The following DACH2 variants were observed in gnomAD, a reference collection of about 807,000 sequenced individuals.
DACH2 encodes dachshund homolog 2.
In DACH2, 17 loss-of-function variants were observed where a neutral mutation model predicts 35.8. The ratio of observed to expected loss-of-function variants is 0.48; its 90% CI spans 0.33 to 0.71. The LOEUF (loss-of-function observed/expected upper bound fraction) is 0.71. Ranked by LOEUF, DACH2 falls within the 30% of genes least tolerant of loss-of-function variation. The pLI, the probability that DACH2 is intolerant of heterozygous loss-of-function variation, is 0.02. For synonymous variants in DACH2, 195 were observed against 177.3 expected, an observed-to-expected ratio of 1.10 and a Z score of -0.79; for missense variants, 469 against 472.7, an observed-to-expected ratio of 0.99 and a Z score of 0.07.
At chrX:86,370,756 T>C (rs1296772466) in intron 1 of DACH2, among the ~76,000 whole-genome samples, 2 of 112,032 alleles carry the variant, frequency 1.8e-5, no homozygotes, top group Non-Finnish European at 3.8e-5. Context: ...GCAAATTAGC[T>C]AATAATCAGT....
At chrX:86,316,021 C>A (rs1393608829) in intron 1 of DACH2, among the ~76,000 whole-genome samples, 1 of 110,971 alleles carries the variant, frequency 9.0e-6, no homozygotes, top group Non-Finnish European at 1.9e-5. Context: ...TAGTTGGGAC[C>A]AGGTGTGCTA....
intron 2 of DACH2, among the ~76,000 whole-genome samples, chrX:86,456,527 A>G (rs908187493): frequency 1.7e-4 from 19 of 111,570 alleles, no homozygotes; most frequent in Non-Finnish European, 7.5e-5. Flanking sequence ...TGCTGTCATT[A>G]ATTTCACTTA....
chrX:86,205,825 C>G (rs1315597769), intron 1 of DACH2, among the ~76,000 whole-genome samples: 1 of 109,338 alleles, frequency 9.1e-6, no homozygotes, highest in Non-Finnish European at 1.9e-5. Flanking sequence ...CCTGAGCCTC[C>G]CAAAGTGCTG....
intron 3 of DACH2, among the ~76,000 whole-genome samples, chrX:86,581,139 A>T: frequency 9.0e-6 from 1 of 111,481 alleles, no homozygotes; most frequent in East Asian, 2.8e-4. Flanking sequence ...GGCCAAACTA[A>T]GAAAGGAGAA....
intron 3 of DACH2, among the ~76,000 whole-genome samples, chrX:86,520,231 T>C (rs2038532773): frequency 8.9e-6 from 1 of 111,962 alleles, no homozygotes; most frequent in Non-Finnish European, 1.9e-5. Context: ...ATTTTCATCG[T>C]CTTCACTTCT....
At chrX:86,797,873 T>C (rs1602962292) in intron 7 of DACH2, among the ~76,000 whole-genome samples, 1 of 111,741 alleles carries the variant, frequency 8.9e-6, no homozygotes, top group Non-Finnish European at 1.9e-5. Flanking sequence ...CATGTCTTAA[T>C]TGCTTCTTTC....
chrX:86,459,721 A>G (rs1035557191), intron 2 of DACH2, among the ~76,000 whole-genome samples: 2 of 111,573 alleles, frequency 1.8e-5, no homozygotes, highest in African/African-American at 6.5e-5. Flanking sequence ...TTGTAATGCA[A>G]ACAGCTCTAA....
chrX:86,727,873 C>T (rs73510105), intron 6 of DACH2, among the ~76,000 whole-genome samples: 99 of 111,601 alleles, frequency 8.9e-4, no homozygotes, highest in African/African-American at 3.1e-3. Flanking sequence ...TTGTTTATAG[C>T]GACGCAAGAA....
At chrX:86,482,742 G>C (rs766257753) in intron 2 of DACH2, among the ~76,000 whole-genome samples, 6 of 109,633 alleles carry the variant, frequency 5.5e-5, no homozygotes, top group Admixed American at 4.9e-4. Flanking sequence ...ACTGGTGTGA[G>C]ATGGTATCTC....
At chrX:86,331,024 T>A (rs989441858) in intron 1 of DACH2, among the ~76,000 whole-genome samples, 3 of 111,210 alleles carry the variant, frequency 2.7e-5, no homozygotes, top group African/African-American at 9.8e-5. Context: ...TTGGGGAAAA[T>A]GGGAAAGAAG....
At chrX:86,475,139 C>T (rs1368182913) in intron 2 of DACH2, among the ~76,000 whole-genome samples, 2 of 111,009 alleles carry the variant, frequency 1.8e-5, no homozygotes, top group Non-Finnish European at 1.9e-5. Flanking sequence ...TGTTTTTACT[C>T]GGGATAGTTT....
At position 86,813,721 on chromosome X, in the gene DACH2, C is replaced by T. The variant is rs935153060; in HGVS notation, c.1537+444C>T. On this transcript the variant is annotated intron_variant, in intron 9 of 11. Transcript: ENST00000373125. ...TCACTTACCTTGGTCCCCTGGCCAA[C>T]TATATGGTCCTTCGGCTTTGAAACA... is the stretch of plus-strand genomic sequence containing the variant. Among the ~76,000 whole-genome samples the T allele has an allele frequency of 5.4e-5, 6 of 110,094 alleles. No homozygotes were observed. The South Asian group carries it at 2.0e-3, about 36-fold the overall frequency.
Position 86,419,458 on chromosome X carries a change from G to T in DACH2, c.527+42596G>T, listed in dbSNP as rs188494050. On this transcript the variant is annotated intron_variant, in intron 2 of 11. Transcript: ENST00000373125. ...CCACAGGCAAAAAGCAAGAGAGCTT[G>T]CTCAGGGAAACTCTCCATTTTTAAA... Among the ~76,000 whole-genome samples, 30 of 111,904 alleles carry T rather than the reference G, an allele frequency of 2.7e-4. No homozygotes were observed. In the East Asian group the frequency reaches 3.7e-3, roughly 14 times the overall value.
chrX:86,751,035 T>G (rs1318883937), intron 7 of DACH2, among the ~76,000 whole-genome samples: 1 of 111,327 alleles, frequency 9.0e-6, no homozygotes, highest in Non-Finnish European at 1.9e-5. Context: ...TTTTCCACAT[T>G]GAGTGACTGC....
intron 1 of DACH2, among the ~76,000 whole-genome samples, chrX:86,357,372 G>A (rs2035660491): frequency 8.9e-6 from 1 of 112,129 alleles, no homozygotes; most frequent in Non-Finnish European, 1.9e-5. Flanking sequence ...TTTAGTTTTA[G>A]GGACTAGACA....
chrX:86,516,034 G>T (rs2038461491), intron 3 of DACH2, among the ~76,000 whole-genome samples: 1 of 112,131 alleles, frequency 8.9e-6, no homozygotes, highest in Non-Finnish European at 1.9e-5. Flanking sequence ...TAGCTTGGGT[G>T]ATAGGCTGGA....
intron 6 of DACH2, among the ~76,000 whole-genome samples, chrX:86,729,878 G>C (rs2041513111): frequency 9.0e-6 from 1 of 111,472 alleles, no homozygotes; most frequent in African/African-American, 3.3e-5. Flanking sequence ...CGAGTGCTAT[G>C]CTTCCTGTGC....
intron 1 of DACH2, among the ~76,000 whole-genome samples, chrX:86,208,203 A>AT (rs555880531): frequency 0.075 from 7,950 of 106,563 alleles, 409 homozygotes; most frequent in Admixed American, 0.23. Flanking sequence ...AATAATAATA[A>AT]TTTTTTTTTT....
At chrX:86,164,287 T>C (rs978301034) in intron 1 of DACH2, among the ~76,000 whole-genome samples, 13 of 111,460 alleles carry the variant, frequency 1.2e-4, no homozygotes, top group African/African-American at 2.6e-4. Context: ...GAGTGGTTTG[T>C]TTTTTTCTTG....
Sources: gnomAD v4.1 joint callset for allele counts (sites outside exome capture counted in the v4.1 genomes callset) on GRCh38, gnomAD v4.1.1 for gene constraint, MANE v1.5 for transcripts, NCBI Gene and HGNC (gene_info 2026-07-23, HGNC 2026-07-21) for gene names.